The following TMEM114 variants were observed in gnomAD, a reference collection of about 807,000 sequenced individuals.
The protein encoded by TMEM114 is claudin-26.
In TMEM114, 6 loss-of-function variants were observed where a neutral mutation model predicts 6.2. The observed-to-expected ratio is 0.97, with a 90% CI of 0.53 to 1.91. The LOEUF (loss-of-function observed/expected upper bound fraction) is 1.91, where lower values mean the gene tolerates loss of function less well. Ranked by LOEUF, TMEM114 falls within the 40% of genes most tolerant of loss-of-function variation. The pLI is 0.01. For synonymous variants in TMEM114, 104 were observed against 73.0 expected (o/e 1.42, Z -2.16); for missense variants, 218 against 158.3 (o/e 1.38, Z -2.02).
At chr16:8,527,129 C>T in the TMEM114 span, among the ~76,000 whole-genome samples, 1 of 152,184 alleles carries the variant, frequency 6.6e-6, no homozygotes, top group Admixed American at 6.5e-5. Context: ...ATTGCTTGAA[C>T]CCGGAAGGTG....
chr16:8,548,314 C>T (rs1325273615), intron 2 of TMEM114, among the ~76,000 whole-genome samples: 1 of 152,256 alleles, frequency 6.6e-6, no homozygotes, highest in South Asian at 2.1e-4. Context: ...GTGTGCCTGA[C>T]CCATAGCAAA....
intron 2 of TMEM114, among the ~76,000 whole-genome samples, chr16:8,585,515 G>C (rs1902290851): frequency 6.6e-6 from 1 of 152,082 alleles, no homozygotes; most frequent in Admixed American, 6.5e-5. Flanking sequence ...TTGTCAGCTA[G>C]CTTCTCCTCT....
chr16:8,567,523 C>A (rs1901583932), downstream of TMEM114, among the ~76,000 whole-genome samples: 1 of 152,154 alleles, frequency 6.6e-6, no homozygotes, highest in Admixed American at 6.5e-5. Context: ...CTCAGCATGT[C>A]CCAAGGTGGA....
intron 2 of TMEM114, among the ~76,000 whole-genome samples, chr16:8,581,124 T>C (rs1902134417): frequency 6.6e-6 from 1 of 152,184 alleles, no homozygotes; most frequent in Non-Finnish European, 1.5e-5. Context: ...TTTTGTTATA[T>C]ACCCACAGAA....
At chr16:8,564,161 ATGAGTGAGTAAATGAG>A (rs1901420293) in intron 2 of TMEM114, among the ~76,000 whole-genome samples, 1 of 145,716 alleles carries the variant, frequency 6.9e-6, no homozygotes, top group South Asian at 2.2e-4. Flanking sequence ...GAGTTAGTGA[ATGAGTGAGTAAATGAG>A]TGAGTGAGTG....
chr16:8,560,775 C>T (rs973630977), intron 2 of TMEM114, among the ~76,000 whole-genome samples: 4 of 152,202 alleles, frequency 2.6e-5, no homozygotes, highest in African/African-American at 9.6e-5. Flanking sequence ...CCCCAACGTT[C>T]ACCTCCAGGA....
chr16:8,543,543 C>G (rs1900577714), intron 2 of TMEM114, among the ~76,000 whole-genome samples: 1 of 152,144 alleles, frequency 6.6e-6, no homozygotes, highest in African/African-American at 2.4e-5. Flanking sequence ...TACTAGGACA[C>G]CCCTCCCACC....
At chr16:8,576,549 G>C (rs919445560) in intron 2 of TMEM114, among the ~76,000 whole-genome samples, 1 of 152,230 alleles carries the variant, frequency 6.6e-6, no homozygotes, top group African/African-American at 2.4e-5. Flanking sequence ...GCAGGACAGA[G>C]GTGGCAGGAA....
chr16:8,538,110 A>T (rs1050816762), intron 2 of TMEM114, among the ~76,000 whole-genome samples: 2 of 127,220 alleles, frequency 1.6e-5, no homozygotes, highest in African/African-American at 3.1e-5. Context: ...ACCAGCCTGG[A>T]CAGCATGGTG....
intron 2 of TMEM114, among the ~76,000 whole-genome samples, chr16:8,575,455 T>G (rs979752249): frequency 6.6e-6 from 1 of 152,208 alleles, no homozygotes; most frequent in Non-Finnish European, 1.5e-5. Flanking sequence ...TCAACTGTAT[T>G]AAATTATCTA....
chr16:8,537,221 C>T (rs1188571395), downstream of TMEM114, among the ~76,000 whole-genome samples: 3 of 151,998 alleles, frequency 2.0e-5, no homozygotes, highest in African/African-American at 7.3e-5. Context: ...CAAAAACAGG[C>T]CAGGCATGGT....
At chr16:8,563,037 T>TGAATGAGTGAGA (rs1901330687) in intron 2 of TMEM114, among the ~76,000 whole-genome samples, 1 of 132,210 alleles carries the variant, frequency 7.6e-6, no homozygotes, top group African/African-American at 3.0e-5. Flanking sequence ...AATGAGTGAG[T>TGAATGAGTGAGA]GAATGAGTAA....
downstream of TMEM114, among the ~76,000 whole-genome samples, chr16:8,567,909 G>T (rs1156997273): frequency 6.6e-6 from 1 of 152,168 alleles, no homozygotes; most frequent in Admixed American, 6.5e-5. Flanking sequence ...TTTTCCAACA[G>T]CGCTCATTTA....
At chr16:8,562,142 G>T (rs1329356161) in intron 2 of TMEM114, among the ~76,000 whole-genome samples, 1 of 151,772 alleles carries the variant, frequency 6.6e-6, no homozygotes, top group Admixed American at 6.6e-5. Flanking sequence ...GTGAATGAGT[G>T]AGTTAGTGAA....
intron 2 of TMEM114, among the ~76,000 whole-genome samples, chr16:8,545,440 A>T (rs184836273): frequency 1.3e-5 from 2 of 152,226 alleles, no homozygotes; most frequent in East Asian, 3.9e-4. Flanking sequence ...CTCAGAAAAT[A>T]ATCAACATCA....
intron 2 of TMEM114, among the ~76,000 whole-genome samples, chr16:8,558,731 G>A (rs1245464145): frequency 6.9e-6 from 1 of 145,528 alleles, no homozygotes; most frequent in Non-Finnish European, 1.5e-5. Context: ...ATGCCAGTAT[G>A]ATTGCACCCA....
intron 2 of TMEM114, among the ~76,000 whole-genome samples, chr16:8,544,206 C>G (rs989025277): frequency 6.6e-6 from 1 of 152,198 alleles, no homozygotes; most frequent in Non-Finnish European, 1.5e-5. Context: ...AGCATATATG[C>G]AAGCCCTCTC....
chr16:8,564,421 ATGAG>A (rs1259730811), intron 2 of TMEM114, among the ~76,000 whole-genome samples: 5 of 134,292 alleles, frequency 3.7e-5, no homozygotes, highest in Admixed American at 7.2e-5. Flanking sequence ...GAGTGAGTAA[ATGAG>A]TGAGTGAGGG....
At chr16:8,534,065 A>G (rs1011455217), downstream of TMEM114, among the ~76,000 whole-genome samples, 2 of 152,194 alleles carry the variant, frequency 1.3e-5, no homozygotes, top group East Asian at 1.9e-4. Context: ...TGTCCCTGCA[A>G]AACTCTAGCC....
Sources: allele counts gnomAD v4.1 joint callset (sites outside exome capture counted in the v4.1 genomes callset), GRCh38; gene constraint gnomAD v4.1.1; transcripts MANE v1.5; gene names NCBI Gene and HGNC (gene_info 2026-07-23, HGNC 2026-07-21).